The following SIDT1 variants were observed in gnomAD, a reference collection of about 807,000 sequenced individuals.
SIDT1 encodes SID1 transmembrane family, member 1.
In SIDT1, 101 loss-of-function variants were observed where a neutral mutation model predicts 107.5. The observed-to-expected ratio is 0.94, with a 90% CI of 0.80 to 1.11. SIDT1 has a LOEUF of 1.11. SIDT1 is among the 50% of genes least tolerant of loss of function. The probability of loss-of-function intolerance (pLI) is 0.00; values close to 1 mark genes in which losing one functional copy is unlikely to be tolerated. For synonymous variants in SIDT1, 395 were observed against 398.2 expected (o/e 0.99, Z 0.10); for missense variants, 1,076 against 1,058.2 (o/e 1.02, Z -0.23).
At chr3:113,596,368 T>A (rs561689160) in intron 10 of SIDT1, among the ~76,000 whole-genome samples, 2 of 152,364 alleles carry the variant, frequency 1.3e-5, no homozygotes, top group South Asian at 4.1e-4. Flanking sequence ...TTCTTTGATA[T>A]GCCTGAAGTG....
chr3:113,634,612 A>G, the SIDT1 span, among the ~76,000 whole-genome samples: 6 of 152,278 alleles, frequency 3.9e-5, no homozygotes, highest in East Asian at 9.6e-4. Context: ...CTTGGCCAAC[A>G]TGGCGAAACC....
At chr3:113,533,274 T>C in intron 1 of SIDT1, 31 bp downstream of exon 1, 2 of 1,395,496 alleles carry the variant, frequency 1.4e-6, no homozygotes, top group South Asian at 3.4e-5. Flanking sequence ...GCTCGACTCC[T>C]AGAACTTGCC....
At chr3:113,616,989 A>G (rs1219652882) in intron 20 of SIDT1, among the ~76,000 whole-genome samples, 1 of 152,174 alleles carries the variant, frequency 6.6e-6, no homozygotes, top group Non-Finnish European at 1.5e-5. Context: ...TGCCCTGCCC[A>G]ATAATGAAAT....
chr3:113,613,953 A>T (rs1041545344), intron 19 of SIDT1, among the ~76,000 whole-genome samples: 2 of 152,274 alleles, frequency 1.3e-5, no homozygotes, highest in African/African-American at 4.8e-5. Context: ...AGAAGGATTT[A>T]TTAACAGAAG....
intron 1 of SIDT1, among the ~76,000 whole-genome samples, chr3:113,560,081 G>A (rs1273915156): frequency 6.6e-6 from 1 of 152,290 alleles, no homozygotes; most frequent in South Asian, 2.1e-4. Context: ...TCCTTGGAGA[G>A]GTGCCATCAT....
chr3:113,620,115 C>T (rs540338191), intron 21 of SIDT1, among the ~76,000 whole-genome samples: 1 of 151,950 alleles, frequency 6.6e-6, no homozygotes, highest in East Asian at 1.9e-4. Flanking sequence ...TCCAACATAG[C>T]TTTAAACTCT....
At chr3:113,536,240 G>A (rs1026261911) in intron 1 of SIDT1, among the ~76,000 whole-genome samples, 6 of 152,048 alleles carry the variant, frequency 3.9e-5, no homozygotes, top group African/African-American at 1.2e-4. Flanking sequence ...TGCAATTTTT[G>A]CCATCATTGC....
chr3:113,624,770 A>G (rs979046382), intron 23 of SIDT1, among the ~76,000 whole-genome samples: 2 of 151,836 alleles, frequency 1.3e-5, no homozygotes, highest in African/African-American at 2.4e-5. Flanking sequence ...GCTGCCTCAT[A>G]TGAGTGAGAA....
Position 113,581,429 on chromosome 3 carries a change from TG to T in SIDT1, c.733del (p.Ala245ProfsTer19). 6.2e-7 allele frequency: 1 copy of T among 1,613,816 alleles called. No individual in the cohort carries two copies. The highest frequency in any genetic ancestry group is 1.1e-5 in the South Asian group (1 of 91,074). On this transcript the variant is annotated frameshift_variant, in exon 6 of 25. Transcript: ENST00000264852. LOFTEE classifies it high-confidence loss of function. Reference protein sequence around the residue: ...GVYQSMTKKAAITLQKKDFPG... With the variant: ...GVYQSMTKKAXITLQKKDFPG... ...TCTATCAGTCCATGACCAAGAAAGC[TG>T]CCATCACGCTACAGGTGAGGCATTG...
At chr3:113,597,607 T>C (rs1576904325) in intron 10 of SIDT1, among the ~76,000 whole-genome samples, 2 of 151,306 alleles carry the variant, frequency 1.3e-5, no homozygotes, top group South Asian at 2.1e-4. Context: ...ACAAGGCAAC[T>C]ATAAATATGA....
chr3:113,627,768 A>T lies in SIDT1; in HGVS notation c.*60A>T, dbSNP rs1946952519. On this transcript the variant is annotated 3_prime_UTR_variant, in exon 25 of 25. Transcript: ENST00000264852. ...ATCTTGGTGCTGTTTCACAAAAATTACAGTGACCACAGCAAAGTAACCACT... is the reference window on the plus strand; with the variant it reads ...ATCTTGGTGCTGTTTCACAAAAATTTCAGTGACCACAGCAAAGTAACCACT... 2.0e-6 allele frequency: 3 copies of T among 1,496,886 alleles called. No individual in the cohort carries two copies. The highest frequency in any genetic ancestry group is 1.7e-5 in the Admixed American group (1 of 59,698). 92.7% of individuals were successfully genotyped at this position (1,496,886 alleles called of 1,614,324 possible).
intron 1 of SIDT1, 57 bp downstream of exon 1, chr3:113,533,300 G>C: frequency 7.7e-7 from 1 of 1,301,280 alleles, no homozygotes; most frequent in Non-Finnish European, 1.0e-6. Context: ...TCAGAGCCCC[G>C]TCGCTGCTTT....
intron 1 of SIDT1, among the ~76,000 whole-genome samples, chr3:113,545,331 G>A (rs1446644178): frequency 6.6e-6 from 1 of 152,004 alleles, no homozygotes; most frequent in Non-Finnish European, 1.5e-5. Flanking sequence ...CTGTAAGAAA[G>A]AGATTTTTCT....
At chr3:113,535,217 T>C (rs1330107660) in intron 1 of SIDT1, among the ~76,000 whole-genome samples, 1 of 152,084 alleles carries the variant, frequency 6.6e-6, no homozygotes, top group Non-Finnish European at 1.5e-5. Context: ...GAGGCTGCAG[T>C]GAGCTGAGCT....
chr3:113,544,902 G>A (rs1939403137), intron 1 of SIDT1, among the ~76,000 whole-genome samples: 1 of 152,018 alleles, frequency 6.6e-6, no homozygotes, highest in African/African-American at 2.4e-5. Context: ...TCCACCTGAG[G>A]TGAGGAGTTT....
rs779005685 is a variant in SIDT1, at chr3:113,583,506, A to G, written c.835+10A>G. On this transcript the variant is annotated intron_variant, in intron 7 of 24. Transcript: ENST00000264852. ...TCTTTCTTCATCCAGGGTAAGAGCTAGTGAGGAACACTTGGCTGCTTAGCA... is the reference window on the plus strand; with the variant it reads ...TCTTTCTTCATCCAGGGTAAGAGCTGGTGAGGAACACTTGGCTGCTTAGCA... 1.2e-5 allele frequency: 19 copies of G among 1,557,776 alleles called. No homozygotes were observed. The South Asian group carries it at 2.0e-4, about 17-fold the overall frequency.
chr3:113,588,571 G>C (rs1357401159), intron 9 of SIDT1, among the ~76,000 whole-genome samples: 3 of 152,162 alleles, frequency 2.0e-5, no homozygotes, highest in African/African-American at 7.2e-5. Context: ...TCTTCATACT[G>C]TATTAGCCTG....
At chr3:113,539,190 A>G (rs537578041) in intron 1 of SIDT1, among the ~76,000 whole-genome samples, 5 of 152,348 alleles carry the variant, frequency 3.3e-5, no homozygotes, top group Non-Finnish European at 7.4e-5. Flanking sequence ...ATGATGATCA[A>G]TGAGATTTTA....
intron 1 of SIDT1, among the ~76,000 whole-genome samples, chr3:113,551,757 G>T (rs1262228278): frequency 1.3e-5 from 2 of 152,062 alleles, no homozygotes; most frequent in Admixed American, 1.3e-4. Context: ...GTTTCAAAGA[G>T]CCACAGCCTC....
Sources: allele counts gnomAD v4.1 joint callset (sites outside exome capture counted in the v4.1 genomes callset), GRCh38; gene constraint gnomAD v4.1.1; transcripts MANE v1.5; gene names NCBI Gene and HGNC (gene_info 2026-07-23, HGNC 2026-07-21).